The following SIPA1L2 variants were observed in gnomAD, a reference collection of about 807,000 sequenced individuals.
SIPA1L2 encodes the protein signal-induced proliferation-associated 1-like protein 2.
SIPA1L2 carries 56 observed loss-of-function variants against 163.9 expected under a neutral mutation model. The ratio of observed to expected loss-of-function variants is 0.34; its 90% CI spans 0.28 to 0.43. The LOEUF is 0.43. Among genes scored for constraint, SIPA1L2 ranks in the 20% least tolerant of loss-of-function variants. The pLI, the probability that SIPA1L2 is intolerant of heterozygous loss-of-function variation, is 1.00. For synonymous variants in SIPA1L2, 877 were observed against 865.7 expected (o/e 1.01, Z -0.23); for missense variants, 1,974 against 2,193.5 (o/e 0.90, Z 2.00).
chr1:232,448,066 C>G (rs377659995), intron 10 of SIPA1L2, among the ~76,000 whole-genome samples: 94 of 152,300 alleles, frequency 6.2e-4, no homozygotes, highest in African/African-American at 2.2e-3. Context: ...CTTAAACTGG[C>G]ATCACAGCTC....
At chr1:232,480,876 T>A (rs1016209444) in intron 6 of SIPA1L2, among the ~76,000 whole-genome samples, 17 of 152,184 alleles carry the variant, frequency 1.1e-4, no homozygotes, top group Non-Finnish European at 2.4e-4. Context: ...CTTCACGGAC[T>A]TATTATATTC....
In SIPA1L2 at chr1:232,462,072, T is replaced by C. The variant is rs1388224595; in HGVS notation, c.2821-911A>G. The C allele has an allele frequency of 1.5e-5, 12 of 796,898 alleles. No individual in the cohort carries two copies. In the South Asian group the frequency reaches 1.6e-4, roughly 11 times the overall value. The allele number at this position is 796,898 out of a possible 1,614,324, so 49.4% of individuals were successfully genotyped here. A position where few individuals can be genotyped will look rare whatever the true frequency, so the allele number is the denominator to read the frequency against. On this transcript the variant is annotated intron_variant, in intron 9 of 22. Transcript: ENST00000674635. ...AATGGAAGCCTCAGTGTATGTACCT[T>C]ACTCAAGAGTGAGAGAGAGTCAACA...
intron 18 of SIPA1L2, among the ~76,000 whole-genome samples, chr1:232,416,878 C>T (rs537652710): frequency 6.6e-6 from 1 of 152,158 alleles, no homozygotes; most frequent in Non-Finnish European, 1.5e-5. Context: ...TCCTTAAACT[C>T]TCATCAAGGT....
At chr1:232,474,574 C>G (rs1263005088) in intron 7 of SIPA1L2, among the ~76,000 whole-genome samples, 1 of 152,070 alleles carries the variant, frequency 6.6e-6, no homozygotes, top group Non-Finnish European at 1.5e-5. Flanking sequence ...CTGTCATTAG[C>G]AGCAATTTAT....
chr1:232,502,420 C>A (rs890245985), intron 3 of SIPA1L2, among the ~76,000 whole-genome samples: 1 of 152,198 alleles, frequency 6.6e-6, no homozygotes, highest in African/African-American at 2.4e-5. Context: ...CCAGAATCAC[C>A]TGAGAGGTTA....
rs534153256 is a variant in SIPA1L2, at chr1:232,508,638, C to G, written c.1483+5219G>C. On this transcript the variant is annotated intron_variant, in intron 3 of 22. Transcript: ENST00000674635. ...TTTGTCACAGCCTGTTTCACAAATG[C>G]AAAGCTCAAAGCAGCAGCAAATGGC... Among the ~76,000 whole-genome samples, 40 of 152,320 alleles carry G rather than the reference C, an allele frequency of 2.6e-4. No individual in the cohort carries two copies. In the East Asian group the frequency reaches 5.4e-3, roughly 21 times the overall value.
chr1:232,572,829 A>G (rs1659872532), intron 2 of SIPA1L2, among the ~76,000 whole-genome samples: 1 of 149,262 alleles, frequency 6.7e-6, no homozygotes, highest in Non-Finnish European at 1.5e-5. Flanking sequence ...CCCAGGCTGG[A>G]GTGCAATGGC....
intron 3 of SIPA1L2, among the ~76,000 whole-genome samples, chr1:232,504,643 A>G (rs1167541986): frequency 6.6e-6 from 1 of 152,244 alleles, no homozygotes; most frequent in Non-Finnish European, 1.5e-5. Context: ...AGTTTTGAAA[A>G]ACATAGATTT....
In SIPA1L2 at chr1:232,432,282, T is replaced by C; in HGVS notation, c.4221A>G (p.Pro1407=). ...VIGWKKSEGS[P]PPEEPEVTEC... is the part of the protein sequence containing the mutation. ...CAGTCACTTCAGGCTCCTCGGGCGG[T>C]GGGCTGCCCTCCGATTTCTTCCAGC... Residue 1407 remains proline, a synonymous_variant, in exon 16 of 23, where the codon CCA becomes CCG. Transcript: ENST00000674635. 2 of 1,614,136 alleles carry C rather than the reference T, an allele frequency of 1.2e-6. No individual in the cohort carries two copies. Among genetic ancestry groups the C allele is most frequent in the Non-Finnish European group, 1.7e-6 (2 of 1,180,034 alleles).
intron 1 of SIPA1L2, among the ~76,000 whole-genome samples, chr1:232,579,291 C>CA (rs35356530): frequency 3.3e-5 from 5 of 151,216 alleles, no homozygotes; most frequent in African/African-American, 9.7e-5. Flanking sequence ...AAGCCAGCAT[C>CA]AAAAAAAAAG....
intron 2 of SIPA1L2, among the ~76,000 whole-genome samples, chr1:232,561,759 C>T (rs920953054): frequency 2.0e-5 from 3 of 152,150 alleles, no homozygotes; most frequent in African/African-American, 7.2e-5. Flanking sequence ...TGGGAATGGT[C>T]TTGATGAAAG....
chr1:232,575,378 C>T (rs1229406596), intron 1 of SIPA1L2, among the ~76,000 whole-genome samples: 2 of 152,136 alleles, frequency 1.3e-5, no homozygotes, highest in African/African-American at 2.4e-5. Context: ...GGTCACCTAC[C>T]GGGAAGGCTA....
At chr1:232,494,084 G>A (rs1033369929) in intron 3 of SIPA1L2, among the ~76,000 whole-genome samples, 1 of 152,172 alleles carries the variant, frequency 6.6e-6, no homozygotes, top group Non-Finnish European at 1.5e-5. Context: ...GATGACCTAA[G>A]TAGCCACACA....
chr1:232,417,616 G>A (rs927537539), intron 18 of SIPA1L2, among the ~76,000 whole-genome samples: 4 of 151,958 alleles, frequency 2.6e-5, no homozygotes, highest in African/African-American at 9.7e-5. Flanking sequence ...ACTGGCTGTC[G>A]GGTCCTGTCT....
rs190210689 is a variant in SIPA1L2, at chr1:232,486,124, C to G, written c.1807-2158G>C. 2.1e-3 allele frequency among the ~76,000 whole-genome samples: 319 copies of G among 152,300 alleles called. 2 individuals are homozygous for G. Among genetic ancestry groups the G allele is most frequent in the African/African-American group, 7.5e-3 (313 of 41,566 alleles). On this transcript the variant is annotated intron_variant, in intron 5 of 22. Coordinates refer to ENST00000674635, the MANE Select transcript of SIPA1L2 (RefSeq NM_020808.5). ...GGCATCTGCAAGAGGAAACCCCTTC[C>G]TCTCCTCCCATCCAGCTCTTAAATG...
At chr1:232,528,037 C>G (rs1429061144) in intron 2 of SIPA1L2, among the ~76,000 whole-genome samples, 1 of 145,088 alleles carries the variant, frequency 6.9e-6, no homozygotes, top group South Asian at 2.2e-4. Flanking sequence ...ACAGAACACC[C>G]AACAGTGAAA....
Position 232,439,398 on chromosome 1 carries a change from C to T in SIPA1L2, c.3741G>A (p.Leu1247=), listed in dbSNP as rs747815475. 3.7e-6 allele frequency: 6 copies of T among 1,614,206 alleles called. No homozygotes were observed. Among genetic ancestry groups the T allele is most frequent in the Non-Finnish European group, 5.1e-6 (6 of 1,180,034 alleles). The change falls in exon 15 of 23, where the codon CTG becomes CTA. Residue 1247 remains leucine (L), a synonymous_variant. Transcript: ENST00000674635. ...TCAGCCCCAGTAATTCGGGGTCCATCAGGTCGCCAGACCCAAAGTGCTTGT... is the reference window on the plus strand; with the variant it reads ...TCAGCCCCAGTAATTCGGGGTCCATTAGGTCGCCAGACCCAAAGTGCTTGT... The part of the protein sequence containing the change: ...SDDKHFGSGD[L]MDPELLGLTY...
chr1:232,550,761 C>T (rs1042718102), intron 2 of SIPA1L2, among the ~76,000 whole-genome samples: 7 of 152,240 alleles, frequency 4.6e-5, no homozygotes, highest in Non-Finnish European at 1.0e-4. Context: ...GTGAGAGGTG[C>T]GTGGGCTAAA....
chr1:232,623,464 T>TA (rs1407159625), intron 1 of SIPA1L2, among the ~76,000 whole-genome samples: 1 of 151,908 alleles, frequency 6.6e-6, no homozygotes, highest in Non-Finnish European at 1.5e-5. Context: ...AAAAATTAGC[T>TA]AGGCATGGTG....
Sources: gnomAD v4.1 joint callset for allele counts (sites outside exome capture counted in the v4.1 genomes callset) on GRCh38, gnomAD v4.1.1 for gene constraint, MANE v1.5 for transcripts, NCBI Gene and HGNC (gene_info 2026-07-23, HGNC 2026-07-21) for gene names.